Variants in TAFA1 observed in about 807,000 individuals in gnomAD.
TAFA1 encodes chemokine-like protein TAFA-1.
Under a neutral mutation model 18.5 loss-of-function variants are expected in TAFA1, and 4 were observed. That is an observed-to-expected ratio of 0.22 (90% CI 0.11 to 0.49). The LOEUF (loss-of-function observed/expected upper bound fraction) is 0.49. Among genes scored for constraint, TAFA1 ranks in the 20% least tolerant of loss-of-function variants. The pLI, the probability that TAFA1 is intolerant of heterozygous loss-of-function variation, is 0.98. For synonymous variants in TAFA1, 56 were observed against 55.2 expected, an observed-to-expected ratio of 1.01 and a Z score of -0.06; for missense variants, 147 against 169.0, an observed-to-expected ratio of 0.87 and a Z score of 0.72.
chr3:67,994,360 C>A, the TAFA1 span, among the ~76,000 whole-genome samples: 1 of 152,180 alleles, frequency 6.6e-6, no homozygotes, highest in Admixed American at 6.5e-5. Flanking sequence ...TTACACAGGG[C>A]ACTTCAGCTC....
intron 2 of TAFA1, among the ~76,000 whole-genome samples, chr3:68,229,812 C>G (rs1408743866): frequency 1.3e-5 from 2 of 152,050 alleles, no homozygotes; most frequent in African/African-American, 4.8e-5. Flanking sequence ...GTAGTTTAAC[C>G]CCCTTAAGGC....
At chr3:68,362,815 A>G (rs913431601) in intron 2 of TAFA1, among the ~76,000 whole-genome samples, 8 of 152,178 alleles carry the variant, frequency 5.3e-5, no homozygotes, top group Admixed American at 5.2e-4. Context: ...GGTTCTACAA[A>G]TGTGTGTAGT....
chr3:68,084,342 T>C (rs991256925), intron 2 of TAFA1, among the ~76,000 whole-genome samples: 1 of 152,212 alleles, frequency 6.6e-6, no homozygotes, highest in African/African-American at 2.4e-5. Flanking sequence ...TCTTTATGTA[T>C]GTCTTTGTTG....
chr3:68,348,415 C>T (rs1424315413), intron 2 of TAFA1, among the ~76,000 whole-genome samples: 1 of 152,094 alleles, frequency 6.6e-6, no homozygotes, highest in East Asian at 1.9e-4. Context: ...TTTTCTTCTA[C>T]CATCAAATAT....
intron 2 of TAFA1, among the ~76,000 whole-genome samples, chr3:68,264,114 C>A (rs2067492624): frequency 6.6e-6 from 1 of 151,832 alleles, no homozygotes; most frequent in Non-Finnish European, 1.5e-5. Flanking sequence ...ACTAAAAACA[C>A]AAAAAATTAG....
intron 3 of TAFA1, among the ~76,000 whole-genome samples, chr3:68,441,654 T>C (rs1445055318): frequency 6.6e-6 from 1 of 152,068 alleles, no homozygotes; most frequent in Non-Finnish European, 1.5e-5. Context: ...AAGGCACAAG[T>C]AAGTTACATC....
At chr3:68,175,981 T>C (rs1326775570) in intron 2 of TAFA1, among the ~76,000 whole-genome samples, 2 of 152,118 alleles carry the variant, frequency 1.3e-5, no homozygotes, top group East Asian at 3.9e-4. Context: ...CAAGACCTGG[T>C]GATTTTAAAA....
chr3:68,370,455 T>C lies in TAFA1; in HGVS notation c.119-46825T>C, dbSNP rs1443925916. ...ACATATATATACATATGTATATATA[T>C]GTGTGTGTGTGTGTGTGTATATATA... On this transcript the variant is annotated intron_variant, in intron 2 of 4. Transcript: ENST00000478136. Among the ~76,000 whole-genome samples, 2 of 15,380 alleles carry C rather than the reference T, an allele frequency of 1.3e-4. 1 individual carries two copies. The highest frequency in any genetic ancestry group is 2.1e-3 in the Admixed American group (2 of 968). 10.1% of individuals were successfully genotyped at this position (15,380 alleles called of 152,430 possible).
intron 3 of TAFA1, among the ~76,000 whole-genome samples, chr3:68,529,403 C>T (rs2073155071): frequency 1.4e-5 from 2 of 141,916 alleles, no homozygotes; most frequent in Admixed American, 1.5e-4. Context: ...TCATATCTCC[C>T]CTTTGCTCAT....
chr3:68,373,269 A>T (rs953276624), intron 2 of TAFA1, among the ~76,000 whole-genome samples: 4 of 152,154 alleles, frequency 2.6e-5, no homozygotes, highest in Non-Finnish European at 2.9e-5. Flanking sequence ...CTTTTATGTT[A>T]TTTCTTATTT....
chr3:68,185,401 A>G (rs1485661549), intron 2 of TAFA1, among the ~76,000 whole-genome samples: 1 of 152,124 alleles, frequency 6.6e-6, no homozygotes, highest in Non-Finnish European at 1.5e-5. Context: ...CTGGAACCTC[A>G]AGGATGGTAT....
Position 68,489,028 on chromosome 3 carries a change from T to C in TAFA1, c.260-49728T>C, listed in dbSNP as rs546412298. On this transcript the variant is annotated intron_variant, in intron 3 of 4. Transcript: ENST00000478136. ...TCATTTAATCCTGACAACTTTCATA[T>C]TATTATCCTCATTTGGAACATAAGA... Among the ~76,000 whole-genome samples, 28 of 152,338 alleles carry C rather than the reference T, an allele frequency of 1.8e-4. No homozygotes were observed. The South Asian group carries it at 5.4e-3, about 29-fold the overall frequency.
chr3:68,509,749 G>T (rs1159312052), intron 3 of TAFA1, among the ~76,000 whole-genome samples: 1 of 152,186 alleles, frequency 6.6e-6, no homozygotes, highest in East Asian at 1.9e-4. Context: ...AACTCTCTCT[G>T]TTTGGAGAGA....
chr3:68,402,797 A>C (rs2106751860), intron 2 of TAFA1, among the ~76,000 whole-genome samples: 1 of 152,338 alleles, frequency 6.6e-6, no homozygotes, highest in South Asian at 2.1e-4. Context: ...CTAGTTCTGC[A>C]CGGAAGACAT....
intron 2 of TAFA1, among the ~76,000 whole-genome samples, chr3:68,304,806 C>T (rs4345072): frequency 6.6e-6 from 1 of 152,146 alleles, no homozygotes; most frequent in African/African-American, 2.4e-5. Flanking sequence ...GAAGTTATCA[C>T]GGAAAATGTT....
chr3:68,066,519 G>T (rs528110436), intron 2 of TAFA1, among the ~76,000 whole-genome samples: 1 of 152,248 alleles, frequency 6.6e-6, no homozygotes, highest in African/African-American at 2.4e-5. Context: ...GTGCAGGAAT[G>T]GTATATATCT....
At chr3:67,997,768 T>C in the TAFA1 span, among the ~76,000 whole-genome samples, 345 of 152,130 alleles carry the variant, frequency 2.3e-3, 1 homozygote, top group African/African-American at 7.9e-3. Context: ...ACTGACACTA[T>C]GTAGGATCCT....
intron 2 of TAFA1, among the ~76,000 whole-genome samples, chr3:68,218,679 T>A (rs1353918376): frequency 6.6e-6 from 1 of 152,136 alleles, no homozygotes; most frequent in Non-Finnish European, 1.5e-5. Context: ...ACAAAACTTG[T>A]AAGAAAGATC....
At chr3:68,298,621 G>A (rs1397736430) in intron 2 of TAFA1, among the ~76,000 whole-genome samples, 1 of 152,210 alleles carries the variant, frequency 6.6e-6, no homozygotes, top group Non-Finnish European at 1.5e-5. Flanking sequence ...TCATGGGGGT[G>A]TTTTCCCCTG....
Sources: gnomAD v4.1 joint callset for allele counts (sites outside exome capture counted in the v4.1 genomes callset) on GRCh38, gnomAD v4.1.1 for gene constraint, MANE v1.5 for transcripts, NCBI Gene and HGNC (gene_info 2026-07-23, HGNC 2026-07-21) for gene names.